Variants in GRM7 observed in about 807,000 individuals in gnomAD.
The protein encoded by GRM7 is metabotropic glutamate receptor 7.
A neutral mutation model predicts 84.5 loss-of-function variants in GRM7; 35 were observed. The observed-to-expected ratio is 0.41, with a 90% CI of 0.32 to 0.55. The LOEUF (loss-of-function observed/expected upper bound fraction) is 0.55, where lower values mean the gene tolerates loss of function less well. Ranked by LOEUF, GRM7 falls within the 20% of genes least tolerant of loss-of-function variation. The pLI, the probability that GRM7 is intolerant of heterozygous loss-of-function variation, is 0.19. For synonymous variants in GRM7, 487 were observed against 455.1 expected, an observed-to-expected ratio of 1.07 and a Z score of -0.89; for missense variants, 1,003 against 1,194.6, an observed-to-expected ratio of 0.84 and a Z score of 2.36.
chr3:6,924,708 A>G (rs1250886409), intron 1 of GRM7, among the ~76,000 whole-genome samples: 1 of 151,852 alleles, frequency 6.6e-6, no homozygotes, highest in Non-Finnish European at 1.5e-5. Context: ...ATAGATATAT[A>G]TAAACACTGT....
intron 8 of GRM7, among the ~76,000 whole-genome samples, chr3:7,614,168 G>A (rs1433639068): frequency 1.3e-5 from 2 of 152,124 alleles, no homozygotes; most frequent in Admixed American, 6.6e-5. Flanking sequence ...AGGAGGCCGA[G>A]GCTGGAGAAT....
intron 7 of GRM7, among the ~76,000 whole-genome samples, chr3:7,522,160 T>C (rs1034693167): frequency 3.9e-5 from 6 of 152,168 alleles, no homozygotes; most frequent in African/African-American, 1.4e-4. Context: ...AATGGTGGAA[T>C]AGGCTGGCTC....
intron 1 of GRM7, among the ~76,000 whole-genome samples, chr3:6,922,835 G>A (rs530435949): frequency 1.3e-5 from 2 of 152,276 alleles, no homozygotes; most frequent in African/African-American, 4.8e-5. Flanking sequence ...GACTGCCATT[G>A]GAATGGTCTG....
In GRM7 at chr3:7,579,224, A is replaced by T. The variant is rs1230822664; in HGVS notation, c.2318A>T (p.Tyr773Phe). Residue 773 changes from tyrosine (Y) to phenylalanine (F), a missense_variant, in exon 8 of 10, where the codon TAT becomes TTT. Around this residue, in one of 2 missense-constraint regions of GRM7, gnomAD observed 910 missense variants for 1,126.0 expected, o/e 0.81. Transcript: ENST00000357716. ...CTTCTCATGGTCACATGTACTGTGT[A>T]TGCCATCAAGACTCGGGGTGTACCC... ...SILLMVTCTV[Y>F]AIKTRGVPEN... is the part of the protein sequence containing the mutation. 3.7e-6 allele frequency: 6 copies of T among 1,613,726 alleles called. No homozygotes were observed. The highest frequency in any genetic ancestry group is 5.1e-6 in the Non-Finnish European group (6 of 1,179,756).
intron 1 of GRM7, among the ~76,000 whole-genome samples, chr3:6,867,871 T>C (rs1694989118): frequency 6.6e-6 from 1 of 152,170 alleles, no homozygotes; most frequent in African/African-American, 2.4e-5. Context: ...TTCTTCACAT[T>C]ATATTTCCAT....
intron 1 of GRM7, among the ~76,000 whole-genome samples, chr3:7,068,510 G>C (rs901154468): frequency 6.6e-6 from 1 of 151,938 alleles, no homozygotes. Flanking sequence ...ATAAGAACCG[G>C]TTTTGATTTT....
intron 8 of GRM7, among the ~76,000 whole-genome samples, chr3:7,596,861 G>A (rs1696069685): frequency 6.6e-6 from 1 of 152,134 alleles, no homozygotes; most frequent in Admixed American, 6.5e-5. Flanking sequence ...GTAGTAGGTG[G>A]AGAGGGTTAT....
At chr3:7,403,803 A>C (rs1276779916) in intron 4 of GRM7, among the ~76,000 whole-genome samples, 2 of 151,296 alleles carry the variant, frequency 1.3e-5, no homozygotes, top group Non-Finnish European at 1.5e-5. Flanking sequence ...ATATGTATAT[A>C]TATAAGAATA....
At chr3:6,944,040 T>G (rs1417756169) in intron 1 of GRM7, among the ~76,000 whole-genome samples, 1 of 152,094 alleles carries the variant, frequency 6.6e-6, no homozygotes, top group Non-Finnish European at 1.5e-5. Flanking sequence ...ATTTTGCAAT[T>G]CTCATAAACT....
chr3:6,891,371 C>T (rs1168519937), intron 1 of GRM7, among the ~76,000 whole-genome samples: 6 of 152,106 alleles, frequency 3.9e-5, no homozygotes, highest in Admixed American at 6.6e-5. Context: ...TGGCTGGTAC[C>T]GGTTGTTGCT....
chr3:7,672,079 C>A (rs1476826511), intron 8 of GRM7, among the ~76,000 whole-genome samples: 3 of 152,070 alleles, frequency 2.0e-5, no homozygotes, highest in Admixed American at 6.5e-5. Context: ...CCTCCCCTGC[C>A]CCGGGGGGAG....
chr3:7,513,686 T>C (rs375563186), intron 7 of GRM7, among the ~76,000 whole-genome samples: 2 of 152,212 alleles, frequency 1.3e-5, no homozygotes, highest in African/African-American at 4.8e-5. Context: ...CATTACACAT[T>C]GTGTGCACTT....
intron 1 of GRM7, among the ~76,000 whole-genome samples, chr3:6,922,385 C>T (rs1240455793): frequency 6.6e-6 from 1 of 152,194 alleles, no homozygotes; most frequent in East Asian, 1.9e-4. Context: ...TAATGATATG[C>T]TTCAATTGAT....
intron 7 of GRM7, among the ~76,000 whole-genome samples, chr3:7,576,661 A>G (rs2125050963): frequency 6.6e-6 from 1 of 152,308 alleles, no homozygotes. Flanking sequence ...ACTTTCCAGT[A>G]TCTTTCTAAT....
chr3:7,675,264 G>C (rs2125135889), intron 8 of GRM7, among the ~76,000 whole-genome samples: 1 of 152,266 alleles, frequency 6.6e-6, no homozygotes, highest in South Asian at 2.1e-4. Context: ...GAACAGTACT[G>C]AGAATATTCT....
chr3:7,704,004 T>C (rs923301696), intron 9 of GRM7, among the ~76,000 whole-genome samples: 3 of 152,228 alleles, frequency 2.0e-5, no homozygotes, highest in Non-Finnish European at 2.9e-5. Flanking sequence ...CTGGGTTCCA[T>C]TGACCAGCAC....
rs556652446 is a variant in GRM7 at position 6,926,826 on chromosome 3, C to T, written c.519+64919C>T. On this transcript the variant is annotated intron_variant, in intron 1 of 9. Transcript: ENST00000357716. ...CTTTTGATAGGCCTTAATGTTGGTT[C>T]CATATTTTCCGTTTTGTGAATAGAG... is the stretch of plus-strand genomic sequence containing the variant. Among the ~76,000 whole-genome samples the T allele has an allele frequency of 3.7e-4, 56 of 152,256 alleles. No individual in the cohort carries two copies. The South Asian group carries it at 5.6e-3, about 15-fold the overall frequency.
intron 1 of GRM7, among the ~76,000 whole-genome samples, chr3:6,995,617 G>C (rs930887204): frequency 6.6e-6 from 1 of 152,108 alleles, no homozygotes; most frequent in Non-Finnish European, 1.5e-5. Flanking sequence ...TGGTTTTGGA[G>C]CTTTATTTAA....
intron 2 of GRM7, among the ~76,000 whole-genome samples, chr3:7,174,227 T>C (rs2125090818): frequency 6.6e-6 from 1 of 152,302 alleles, no homozygotes; most frequent in East Asian, 1.9e-4. Context: ...TTCATTTGAA[T>C]ACAGATTAGA....
Sources: gnomAD v4.1 joint callset for allele counts (sites outside exome capture counted in the v4.1 genomes callset) on GRCh38, gnomAD v4.1.1 for gene constraint, gnomAD v4.1.1 regional missense constraint, MANE v1.5 for transcripts, NCBI Gene and HGNC (gene_info 2026-07-23, HGNC 2026-07-21) for gene names.